SAXO1: variants seen among roughly 807,000 people sequenced by gnomAD.
SAXO1 encodes stabilizer of axonemal microtubules 1, also known as 4930500O09Rik.
Under a neutral mutation model 17.5 loss-of-function variants are expected in SAXO1, and 21 were observed. The observed-to-expected ratio is 1.20, with a 90% confidence interval of 0.85 to 1.72. The LOEUF (loss-of-function observed/expected upper bound fraction) is 1.72, where lower values mean the gene tolerates loss of function less well. Ranked by LOEUF, SAXO1 falls within the 40% of genes most tolerant of loss-of-function variation. The probability of loss-of-function intolerance (pLI) is 0.00; values close to 1 mark genes in which losing one functional copy is unlikely to be tolerated. For missense variants in SAXO1, 843 were observed against 596.0 expected (o/e 1.41, Z -4.32); for synonymous variants, 274 against 216.5 (o/e 1.27, Z -2.33).
Position 18,969,735 on chromosome 9 carries a change from A to G in SAXO1, c.39-18798T>C, listed in dbSNP as rs545128023. On this transcript the variant is annotated intron_variant, in intron 1 of 3. Transcript: ENST00000380534. ...GATGAACAATTTGTGAAACACACTCAGTTTCTAGAGCTTTGCTACACAGTC... is the reference window on the plus strand; with the variant it reads ...GATGAACAATTTGTGAAACACACTCGGTTTCTAGAGCTTTGCTACACAGTC... Among the ~76,000 whole-genome samples the G allele has an allele frequency of 2.4e-3, 359 of 152,324 alleles. 1 individual carries two copies. The highest frequency in any genetic ancestry group is 0.014 in the Middle Eastern group (4 of 294).
Position 18,950,916 on chromosome 9 carries a change from G to A in SAXO1, c.60C>T (p.Leu20=). The part of the protein sequence containing the change: ...CSCGRHHCPH[L]PTKIYDKTEK... ...CTGTTTTATCATAAATCTTGGTAGG[G>A]AGATGTGGACAGTGATGCCGCCTAT... Residue 20 remains leucine (L), a synonymous_variant, in exon 2 of 4, where the codon CTC becomes CTT. Coordinates refer to ENST00000380534, the MANE Select transcript of SAXO1 (RefSeq NM_153707.4). The A allele has an allele frequency of 6.2e-7, 1 of 1,612,838 alleles. No individual in the cohort carries two copies. Among genetic ancestry groups the A allele is most frequent in the Non-Finnish European group, 8.5e-7 (1 of 1,179,654 alleles).
chr9:18,956,003 A>T (rs931299106), intron 1 of SAXO1, among the ~76,000 whole-genome samples: 5 of 151,780 alleles, frequency 3.3e-5, no homozygotes, highest in African/African-American at 1.2e-4. Context: ...ACAGTGGCAC[A>T]ATCATAGCTC....
chr9:18,944,840 T>C (rs924725909), intron 2 of SAXO1, among the ~76,000 whole-genome samples: 20 of 152,230 alleles, frequency 1.3e-4, no homozygotes, highest in Non-Finnish European at 1.5e-4. Context: ...CAAAGGGCCA[T>C]GCAACACTTT....
At position 18,928,785 on chromosome 9, in the gene SAXO1, T is replaced by G; in HGVS notation, c.692A>C (p.Glu231Ala). 1 of 1,614,116 alleles carries G rather than the reference T, an allele frequency of 6.2e-7. No homozygotes were observed. Among genetic ancestry groups the G allele is most frequent in the Non-Finnish European group, 8.5e-7 (1 of 1,180,028 alleles). The part of the protein sequence containing the change: ...VHEAEKFRPC[E>A]IPFESLTTQK... ...AGTGGTAAGGCTTTCAAAGGGGATT[T>G]CACAGGGCCTGAACTTCTCTGCTTC... The change falls in exon 4 of 4, where the codon GAA becomes GCA. Residue 231 changes from glutamate (E) to alanine (A), a missense_variant. Physicochemically the swap from Glu to Ala is moderately radical, Grantham distance 107. Coordinates refer to ENST00000380534, the MANE Select transcript of SAXO1 (RefSeq NM_153707.4).
chr9:18,952,225 G>A (rs2131732384), intron 1 of SAXO1, among the ~76,000 whole-genome samples: 1 of 152,174 alleles, frequency 6.6e-6, no homozygotes, highest in South Asian at 2.1e-4. Flanking sequence ...AAAACTCCAT[G>A]CTGGTGTTTT....
intron 1 of SAXO1, among the ~76,000 whole-genome samples, chr9:19,021,194 G>GTGGAATT (rs1371605182): frequency 6.6e-6 from 1 of 152,186 alleles, no homozygotes; most frequent in Admixed American, 6.5e-5. Flanking sequence ...GCTCTTTTCT[G>GTGGAATT]TGGAATTTGG....
At position 18,928,937 on chromosome 9, in the gene SAXO1, T is replaced by A; in HGVS notation, c.540A>T (p.Lys180Asn). 8.7e-6 allele frequency: 14 copies of A among 1,614,178 alleles called. No homozygotes were observed. The highest frequency in any genetic ancestry group is 1.1e-5 in the Non-Finnish European group (13 of 1,180,042). The change falls in exon 4 of 4, where the codon AAA (lysine) becomes AAT (asparagine). Residue 180 changes from lysine to asparagine, a missense_variant. Transcript: ENST00000380534. The stretch of plus-strand genomic sequence containing the variant: ...TACAGCTTATGGTCTTCACAAGGCC[T>A]TTTATGGGGTAATCGTCCTGGTGTG... ...RTTHQDDYPIKGLVKTISCKP... is the reference protein window; with the variant it reads ...RTTHQDDYPINGLVKTISCKP...
chr9:18,957,293 G>A (rs1304338237), intron 1 of SAXO1, among the ~76,000 whole-genome samples: 4 of 152,232 alleles, frequency 2.6e-5, no homozygotes, highest in East Asian at 1.9e-4. Flanking sequence ...AAGCAATAAC[G>A]GTAATAATCA....
chr9:19,026,816 G>T (rs1835493555), intron 1 of SAXO1: 1 of 529,954 alleles, frequency 1.9e-6, no homozygotes, highest in African/African-American at 1.9e-5. Context: ...GGATCACAAG[G>T]TCAGGAGTTC....
At chr9:19,040,246 T>A (rs947349958) in intron 1 of SAXO1, among the ~76,000 whole-genome samples, 30 of 152,142 alleles carry the variant, frequency 2.0e-4, no homozygotes, top group African/African-American at 7.2e-4. Flanking sequence ...AAACAGCAAA[T>A]GAATGGTTTA....
At chr9:18,929,898 AC>A (rs1353563260) in intron 3 of SAXO1, among the ~76,000 whole-genome samples, 1 of 152,222 alleles carries the variant, frequency 6.6e-6, no homozygotes, top group East Asian at 1.9e-4. Context: ...AATACCAACT[AC>A]ATGTCGGTCA....
rs1832006049 is a variant in SAXO1 at position 18,950,834 on chromosome 9, G to C, written c.142C>G (p.Leu48Val). ...TENYPFYHSYLPRESFKPRRE... is the reference protein window; with the variant it reads ...TENYPFYHSYVPRESFKPRRE... ...CTTGGCTTGAAGGACTCTCTGGGCA[G>C]GTAGGAGTGATAGAAAGGGTAGTTC... The change falls in exon 2 of 4, where the codon CTG becomes GTG. Residue 48 changes from leucine (L) to valine (V), a missense_variant. Transcript: ENST00000380534. 6.2e-7 allele frequency: 1 copy of C among 1,613,686 alleles called. No individual in the cohort carries two copies. The highest frequency in any genetic ancestry group is 1.3e-5 in the African/African-American group (1 of 74,886).
chr9:18,961,814 T>C (rs10963875), intron 1 of SAXO1, among the ~76,000 whole-genome samples: 17,631 of 152,162 alleles, frequency 0.12, 1,834 homozygotes, highest in African/African-American at 0.28. Context: ...GCATGTGTCT[T>C]TATAGTAGAA....
At chr9:18,952,253 A>G (rs1832065590) in intron 1 of SAXO1, among the ~76,000 whole-genome samples, 1 of 152,188 alleles carries the variant, frequency 6.6e-6, no homozygotes, top group Non-Finnish European at 1.5e-5. Context: ...AGCTACCTTC[A>G]TGAATGGCAT....
chr9:18,946,110 C>G (rs1831782874), intron 2 of SAXO1, among the ~76,000 whole-genome samples: 1 of 151,936 alleles, frequency 6.6e-6, no homozygotes, highest in African/African-American at 2.4e-5. Context: ...AACCCCATCT[C>G]TACTAAAAAT....
chr9:18,945,471 C>T (rs1356957647), intron 2 of SAXO1, among the ~76,000 whole-genome samples: 1 of 152,182 alleles, frequency 6.6e-6, no homozygotes, highest in East Asian at 1.9e-4. Flanking sequence ...CTCAAACTTC[C>T]CAATGTCAAA....
chr9:19,030,673 G>A (rs1052816967), intron 1 of SAXO1, among the ~76,000 whole-genome samples: 3 of 151,734 alleles, frequency 2.0e-5, no homozygotes, highest in African/African-American at 7.3e-5. Context: ...GCCACTGCAC[G>A]ACAGAGTAAG....
chr9:18,959,559 T>C (rs537437976), intron 1 of SAXO1, among the ~76,000 whole-genome samples: 1 of 152,122 alleles, frequency 6.6e-6, no homozygotes, highest in South Asian at 2.1e-4. Context: ...TCACCTGAGG[T>C]CAGGAGTTCA....
intron 1 of SAXO1, among the ~76,000 whole-genome samples, chr9:19,030,661 G>A (rs193224717): frequency 1.6e-4 from 24 of 151,930 alleles, no homozygotes; most frequent in South Asian, 8.3e-4. Context: ...AGCAGAGATC[G>A]CGCCACTGCA....
Sources: gnomAD v4.1 joint callset for allele counts (sites outside exome capture counted in the v4.1 genomes callset) on GRCh38, gnomAD v4.1.1 for gene constraint, MANE v1.5 for transcripts, NCBI Gene and HGNC (gene_info 2026-07-23, HGNC 2026-07-21) for gene names.